The following KCNH8 variants were observed in gnomAD, a reference collection of about 807,000 sequenced individuals.
KCNH8 encodes voltage-gated delayed rectifier potassium channel KCNH8.
KCNH8 carries 70 observed loss-of-function variants against 103.6 expected under a neutral mutation model. That is an observed-to-expected ratio of 0.68 (90% CI 0.56 to 0.82). The LOEUF is 0.82. Among genes scored for constraint, KCNH8 ranks in the 40% least tolerant of loss-of-function variants. The probability of loss-of-function intolerance (pLI) is 0.00; values close to 1 mark genes in which losing one functional copy is unlikely to be tolerated. For missense variants in KCNH8, 1,217 were observed against 1,329.9 expected (o/e 0.92, Z 1.32); for synonymous variants, 498 against 489.4 (o/e 1.02, Z -0.23).
chr3:19,506,564 C>A (rs909241302), intron 11 of KCNH8, among the ~76,000 whole-genome samples: 1 of 152,236 alleles, frequency 6.6e-6, no homozygotes, highest in South Asian at 2.1e-4. Flanking sequence ...CCTCTCAGTG[C>A]TCTGACAGTG....
chr3:19,335,434 T>C (rs1407693653), intron 3 of KCNH8, among the ~76,000 whole-genome samples: 1 of 146,886 alleles, frequency 6.8e-6, no homozygotes, highest in South Asian at 2.1e-4. Flanking sequence ...TGTGTATATA[T>C]ATGTGTGTGT....
At position 19,253,803 on chromosome 3, in the gene KCNH8, A is replaced by G. The variant is rs1372494758; in HGVS notation, c.226A>G (p.Asn76Asp). Residue 76 changes from asparagine (N) to aspartate (D), a missense_variant, in exon 2 of 16, where the codon AAT becomes GAT. This residue lies in a region of KCNH8 where 244 missense variants were observed against 256.8 expected (regional missense o/e 0.95). Coordinates refer to ENST00000328405, the MANE Select transcript of KCNH8 (RefSeq NM_144633.3). ...SCKFLFGVET[N>D]EQLMLQIEKS... is the part of the protein sequence containing the mutation. ...CAAGTTCTTATTTGGGGTTGAAACC[A>G]ATGAGCAACTGATGCTTCAAATAGA... 1 of 1,613,952 alleles carries G rather than the reference A, an allele frequency of 6.2e-7. No individual in the cohort carries two copies. Among genetic ancestry groups the G allele is most frequent in the Admixed American group, 1.7e-5 (1 of 59,994 alleles).
At chr3:19,393,508 G>A (rs1274655545) in intron 6 of KCNH8, among the ~76,000 whole-genome samples, 1 of 151,978 alleles carries the variant, frequency 6.6e-6, no homozygotes, top group African/African-American at 2.4e-5. Flanking sequence ...AATTATGTGT[G>A]CAGATGCCCT....
intron 4 of KCNH8, among the ~76,000 whole-genome samples, chr3:19,347,524 T>C (rs2065744306): frequency 6.6e-6 from 1 of 152,124 alleles, no homozygotes; most frequent in Non-Finnish European, 1.5e-5. Flanking sequence ...AAACTCTGCA[T>C]ATTCCTGTTC....
intron 5 of KCNH8, among the ~76,000 whole-genome samples, chr3:19,363,685 T>TA (rs2065974766): frequency 6.6e-6 from 1 of 152,186 alleles, no homozygotes; most frequent in Admixed American, 6.6e-5. Flanking sequence ...CAATGCTTGT[T>TA]ACACTAGTAG....
chr3:19,357,568 G>C (rs1351711217), intron 5 of KCNH8, among the ~76,000 whole-genome samples: 1 of 151,848 alleles, frequency 6.6e-6, no homozygotes, highest in Non-Finnish European at 1.5e-5. Flanking sequence ...AAAGGAAATA[G>C]AATGTCCTTT....
chr3:19,182,907 T>C (rs1445357543), intron 1 of KCNH8, among the ~76,000 whole-genome samples: 6 of 152,220 alleles, frequency 3.9e-5, no homozygotes, highest in African/African-American at 1.4e-4. Context: ...CACAACAGTT[T>C]TGGGCATTTT....
intron 4 of KCNH8, chr3:19,346,766 T>C (rs896677398): frequency 6.8e-6 from 3 of 443,724 alleles, no homozygotes; most frequent in Admixed American, 2.4e-5. Flanking sequence ...ATAACTGCTC[T>C]GTTAATTCAA....
chr3:19,479,099 T>C (rs1028079700), intron 11 of KCNH8, among the ~76,000 whole-genome samples: 22 of 152,302 alleles, frequency 1.4e-4, no homozygotes, highest in African/African-American at 5.1e-4. Context: ...TTAATCACTA[T>C]GCTACCCAAC....
chr3:19,222,571 T>C (rs1450454948), intron 1 of KCNH8, among the ~76,000 whole-genome samples: 1 of 152,216 alleles, frequency 6.6e-6, no homozygotes, highest in Non-Finnish European at 1.5e-5. Flanking sequence ...GTAATGGATT[T>C]AGAAGATATC....
chr3:19,352,812 A>C (rs1011864534), intron 5 of KCNH8, among the ~76,000 whole-genome samples: 5 of 151,652 alleles, frequency 3.3e-5, no homozygotes, highest in African/African-American at 4.8e-5. Flanking sequence ...CCTAACATCA[A>C]AATTAAAAGA....
intron 1 of KCNH8, among the ~76,000 whole-genome samples, chr3:19,251,189 A>T (rs2064272235): frequency 6.6e-6 from 1 of 152,158 alleles, no homozygotes; most frequent in Admixed American, 6.5e-5. Context: ...TGACTATGCG[A>T]TCGTTAAGGA....
At chr3:19,484,072 C>CA (rs2068148167) in intron 11 of KCNH8, among the ~76,000 whole-genome samples, 1 of 152,076 alleles carries the variant, frequency 6.6e-6, no homozygotes, top group African/African-American at 2.4e-5. Context: ...GCACAGGCAT[C>CA]AAATTTCAAG....
chr3:19,210,285 T>C (rs182681663), intron 1 of KCNH8, among the ~76,000 whole-genome samples: 6 of 152,246 alleles, frequency 3.9e-5, no homozygotes, highest in African/African-American at 1.4e-4. Context: ...TTCTTTCTTC[T>C]ACTTTTTTCT....
chr3:19,439,674 A>T (rs544113733), intron 8 of KCNH8, among the ~76,000 whole-genome samples: 2 of 152,294 alleles, frequency 1.3e-5, no homozygotes, highest in South Asian at 4.1e-4. Flanking sequence ...CAATAATTCA[A>T]AATATATTAA....
At chr3:19,165,616 T>C (rs902329430) in intron 1 of KCNH8, among the ~76,000 whole-genome samples, 1 of 152,188 alleles carries the variant, frequency 6.6e-6, no homozygotes, top group Non-Finnish European at 1.5e-5. Flanking sequence ...CTGAGTAACC[T>C]ACTAAATACT....
At chr3:19,234,173 A>G (rs558151802) in intron 1 of KCNH8, among the ~76,000 whole-genome samples, 1 of 152,308 alleles carries the variant, frequency 6.6e-6, no homozygotes, top group African/African-American at 2.4e-5. Flanking sequence ...TGCGCTAGAC[A>G]CAAAGGTTCT....
intron 7 of KCNH8, among the ~76,000 whole-genome samples, chr3:19,428,203 T>C (rs2125163237): frequency 6.6e-6 from 1 of 152,312 alleles, no homozygotes; most frequent in Middle Eastern, 3.4e-3. Context: ...ACTTAGCACA[T>C]CAGACCATGG....
At chr3:19,233,362 G>C (rs2064019719) in intron 1 of KCNH8, among the ~76,000 whole-genome samples, 2 of 152,030 alleles carry the variant, frequency 1.3e-5, no homozygotes, top group Non-Finnish European at 1.5e-5. Flanking sequence ...GTTTTTATAG[G>C]TTATAATGCT....
Sources: allele counts gnomAD v4.1 joint callset (sites outside exome capture counted in the v4.1 genomes callset), GRCh38; gene constraint gnomAD v4.1.1; regional missense constraint gnomAD v4.1.1; transcripts MANE v1.5; gene names NCBI Gene and HGNC (gene_info 2026-07-23, HGNC 2026-07-21).